The following GTF2F2 variants were observed in gnomAD, a reference collection of about 807,000 sequenced individuals.
GTF2F2 encodes general transcription factor IIF subunit 2, also known as ATP-dependent helicase GTF2F2.
In GTF2F2, 23 loss-of-function variants were observed where a neutral mutation model predicts 42.2. That is an observed-to-expected ratio of 0.55 (90% confidence interval 0.39 to 0.77). GTF2F2 has a LOEUF of 0.77. Among genes scored for constraint, GTF2F2 ranks in the 30% least tolerant of loss-of-function variants. GTF2F2 has a pLI of 0.00. For missense variants in GTF2F2, 261 were observed against 287.2 expected (o/e 0.91, Z 0.66); for synonymous variants, 105 against 100.8 (o/e 1.04, Z -0.25).
intron 4 of GTF2F2, among the ~76,000 whole-genome samples, chr13:45,167,232 A>T (rs967121713): frequency 2.0e-4 from 25 of 127,662 alleles, no homozygotes; most frequent in Middle Eastern, 4.2e-3. Flanking sequence ...CTATTTTACT[A>T]TTTTTTTTTT....
intron 7 of GTF2F2, among the ~76,000 whole-genome samples, chr13:45,270,872 T>C (rs1876759832): frequency 6.6e-6 from 1 of 152,238 alleles, no homozygotes; most frequent in African/African-American, 2.4e-5. Flanking sequence ...CTTTATCTAA[T>C]TGCTCCCTTT....
chr13:45,194,296 T>C (rs761446425), intron 4 of GTF2F2: 9 of 1,614,040 alleles, frequency 5.6e-6, no homozygotes, highest in Non-Finnish European at 6.8e-6. Flanking sequence ...TCGTAGGAAG[T>C]TTAGGACATG....
intron 4 of GTF2F2, among the ~76,000 whole-genome samples, chr13:45,158,228 G>T (rs1870861366): frequency 6.6e-6 from 1 of 152,156 alleles, no homozygotes. Flanking sequence ...TACTGTTCTT[G>T]TGGTAGTGAA....
intron 4 of GTF2F2, among the ~76,000 whole-genome samples, chr13:45,201,817 G>A: frequency 6.6e-6 from 1 of 152,174 alleles, no homozygotes; most frequent in East Asian, 1.9e-4. Context: ...CCAAAGAAGA[G>A]CAAATGGCCA....
chr13:45,280,239 C>G (rs771255787), intron 7 of GTF2F2, among the ~76,000 whole-genome samples: 2 of 152,172 alleles, frequency 1.3e-5, no homozygotes, highest in Non-Finnish European at 2.9e-5. Context: ...AGAAGGCAGA[C>G]CTGAGTGGAT....
intron 7 of GTF2F2, among the ~76,000 whole-genome samples, chr13:45,275,765 G>A (rs904977212): frequency 9.9e-5 from 15 of 152,050 alleles, no homozygotes; most frequent in Non-Finnish European, 1.6e-4. Context: ...GTAAACATAC[G>A]TGTGCATGTG....
intron 5 of GTF2F2, among the ~76,000 whole-genome samples, chr13:45,247,423 G>A (rs1283020183): frequency 6.6e-6 from 1 of 151,360 alleles, no homozygotes; most frequent in African/African-American, 2.4e-5. Context: ...TTGAGATGGA[G>A]TCTCTGTCAC....
chr13:45,230,721 T>C (rs1332357497), intron 5 of GTF2F2, among the ~76,000 whole-genome samples: 1 of 152,216 alleles, frequency 6.6e-6, no homozygotes, highest in African/African-American at 2.4e-5. Context: ...TAATTATAAC[T>C]TTACTTTGAA....
intron 2 of GTF2F2, among the ~76,000 whole-genome samples, chr13:45,139,873 G>GGCAT (rs1189073655): frequency 6.6e-6 from 1 of 152,068 alleles, no homozygotes; most frequent in Non-Finnish European, 1.5e-5. Context: ...ATTGGTGTCT[G>GGCAT]GCATGCCCCA....
At chr13:45,138,119 C>G (rs890789756) in intron 2 of GTF2F2, among the ~76,000 whole-genome samples, 1 of 152,150 alleles carries the variant, frequency 6.6e-6, no homozygotes, top group African/African-American at 2.4e-5. Flanking sequence ...CATCTCTTCT[C>G]CTCTCGCCTC....
At chr13:45,235,178 T>C (rs979192330) in intron 5 of GTF2F2, among the ~76,000 whole-genome samples, 1 of 151,336 alleles carries the variant, frequency 6.6e-6, no homozygotes, top group Non-Finnish European at 1.5e-5. Context: ...GTCAATATGG[T>C]AAACTTATAA....
intron 4 of GTF2F2, among the ~76,000 whole-genome samples, chr13:45,180,477 G>T (rs1427163702): frequency 6.6e-6 from 1 of 152,012 alleles, no homozygotes; most frequent in Non-Finnish European, 1.5e-5. Context: ...CTTCCTCAAA[G>T]CAAAGTTTTG....
rs1201415360 is a variant in GTF2F2 at position 45,283,609 on chromosome 13, T to C, written c.*48T>C. The stretch of plus-strand genomic sequence containing the variant: ...AGTGAAACGACTAGCAGCGATGCTA[T>C]GCAAAAGGCGCTGATACTGGAAGGC... On this transcript the variant is annotated 3_prime_UTR_variant, in exon 8 of 8. Coordinates refer to ENST00000340473, the MANE Select transcript of GTF2F2 (RefSeq NM_004128.3). 4 of 1,522,208 alleles carry C rather than the reference T, an allele frequency of 2.6e-6. No individual in the cohort carries two copies. Among genetic ancestry groups the C allele is most frequent in the East Asian group, 2.4e-5 (1 of 42,538 alleles). The allele number at this position is 1,522,208 out of a possible 1,614,324, so 94.3% of individuals were successfully genotyped here.
At chr13:45,212,899 G>A (rs562855760) in intron 5 of GTF2F2, among the ~76,000 whole-genome samples, 8 of 151,858 alleles carry the variant, frequency 5.3e-5, no homozygotes, top group Middle Eastern at 3.4e-3. Context: ...GTGCCACCAC[G>A]CCTGGCTAAT....
At chr13:45,190,102 A>C (rs894768916) in intron 4 of GTF2F2, among the ~76,000 whole-genome samples, 1 of 152,170 alleles carries the variant, frequency 6.6e-6, no homozygotes, top group African/African-American at 2.4e-5. Context: ...CAATCTATCC[A>C]TCTGACAAAT....
At chr13:45,142,928 A>G (rs1870002074) in intron 2 of GTF2F2, among the ~76,000 whole-genome samples, 1 of 152,218 alleles carries the variant, frequency 6.6e-6, no homozygotes, top group East Asian at 1.9e-4. Context: ...AAAAGGCTCC[A>G]TTGATAGATG....
At chr13:45,265,912 C>G (rs1485755058) in intron 6 of GTF2F2, among the ~76,000 whole-genome samples, 1 of 152,164 alleles carries the variant, frequency 6.6e-6, no homozygotes, top group Non-Finnish European at 1.5e-5. Context: ...CCTACTGATG[C>G]TTTCTTCACC....
intron 5 of GTF2F2, among the ~76,000 whole-genome samples, chr13:45,244,833 G>T (rs1391760134): frequency 1.3e-5 from 2 of 152,114 alleles, no homozygotes; most frequent in African/African-American, 2.4e-5. Flanking sequence ...ACCATGCCTG[G>T]CTAATTTTTT....
chr13:45,160,681 T>G (rs541992090), intron 4 of GTF2F2, among the ~76,000 whole-genome samples: 65 of 152,260 alleles, frequency 4.3e-4, no homozygotes, highest in Admixed American at 2.2e-3. Context: ...AGCTGTTAAG[T>G]TTATGGTGAT....
Sources: gnomAD v4.1 joint callset for allele counts (sites outside exome capture counted in the v4.1 genomes callset) on GRCh38, gnomAD v4.1.1 for gene constraint, MANE v1.5 for transcripts, NCBI Gene and HGNC (gene_info 2026-07-23, HGNC 2026-07-21) for gene names.